Variants in EDIL3 observed in about 807,000 individuals in gnomAD.
EDIL3 encodes the protein EGF like and discoidin domains 3.
Under a neutral mutation model 67.4 loss-of-function variants are expected in EDIL3, and 37 were observed. The observed-to-expected ratio is 0.55, with a 90% confidence interval of 0.42 to 0.72. The LOEUF (loss-of-function observed/expected upper bound fraction) is 0.72. Among genes scored for constraint, EDIL3 ranks in the 30% least tolerant of loss-of-function variants. The pLI is 0.00. For missense variants in EDIL3, 527 were observed against 586.3 expected, an observed-to-expected ratio of 0.90 and a Z score of 1.04; for synonymous variants, 195 against 196.3, an observed-to-expected ratio of 0.99 and a Z score of 0.05.
intron 6 of EDIL3, among the ~76,000 whole-genome samples, chr5:84,075,561 C>T (rs540957266): frequency 7.7e-4 from 117 of 152,056 alleles, no homozygotes; most frequent in Middle Eastern, 6.8e-3. Context: ...CTGCAAACTC[C>T]GCCTCCCAGG....
intron 3 of EDIL3, among the ~76,000 whole-genome samples, chr5:84,186,256 A>G (rs1361158708): frequency 6.6e-6 from 1 of 152,110 alleles, no homozygotes; most frequent in Non-Finnish European, 1.5e-5. Flanking sequence ...ATAATCACCT[A>G]GAGCATATAG....
rs34221437 is a variant in EDIL3 at position 84,242,824 on chromosome 5, A to ATATTAT, written c.196+11254_196+11259dup. ...AAAAAAAAAAAAAACTTCCAAAGAA[A>ATATTAT]TATTATTATTATTATTTCTTCGAGT... On this transcript the variant is annotated intron_variant, in intron 2 of 10. Coordinates refer to ENST00000296591, the MANE Select transcript of EDIL3 (RefSeq NM_005711.5). Among the ~76,000 whole-genome samples the ATATTAT allele has an allele frequency of 4.2e-5, 6 of 142,838 alleles. 1 individual carries two copies. The highest frequency in any genetic ancestry group is 4.4e-4 in the South Asian group (2 of 4,514). The allele number at this position is 142,838 out of a possible 152,430, so 93.7% of individuals were successfully genotyped here. A position where few individuals can be genotyped will look rare whatever the true frequency, so the allele number is the denominator to read the frequency against.
chr5:83,990,360 G>A (rs1286934863), intron 9 of EDIL3, among the ~76,000 whole-genome samples: 8 of 151,676 alleles, frequency 5.3e-5, no homozygotes, highest in Admixed American at 2.0e-4. Context: ...GGTGGCATGC[G>A]CCTGTAATCC....
chr5:84,255,077 C>T (rs551813641), intron 1 of EDIL3, among the ~76,000 whole-genome samples: 12 of 152,234 alleles, frequency 7.9e-5, no homozygotes, highest in African/African-American at 2.4e-4. Context: ...GCTCTTACTG[C>T]CTGCATATGA....
chr5:84,140,060 G>A (rs1171252083), intron 4 of EDIL3, among the ~76,000 whole-genome samples: 1 of 152,098 alleles, frequency 6.6e-6, no homozygotes, highest in Non-Finnish European at 1.5e-5. Flanking sequence ...ATGAACATTT[G>A]GAGCAGGATG....
chr5:84,340,441 A>G (rs1747080428), intron 1 of EDIL3, among the ~76,000 whole-genome samples: 1 of 149,590 alleles, frequency 6.7e-6, no homozygotes, highest in African/African-American at 2.5e-5. Context: ...ATTAGAACAG[A>G]GCCTGGGAAT....
In EDIL3 at chr5:84,273,213, G is replaced by A. The variant is rs1246775185; in HGVS notation, c.68-19001C>T. ...GGAAATTTTTCCCTCACTACATTTCGGCCCTCAATGTACAATGCCAGATTC... is the reference window on the plus strand; with the variant it reads ...GGAAATTTTTCCCTCACTACATTTCAGCCCTCAATGTACAATGCCAGATTC... On this transcript the variant is annotated intron_variant, in intron 1 of 10. Coordinates refer to ENST00000296591, the MANE Select transcript of EDIL3 (RefSeq NM_005711.5). Among the ~76,000 whole-genome samples the A allele has an allele frequency of 3.9e-5, 6 of 151,990 alleles. No homozygotes were observed. The East Asian group carries it at 5.8e-4, about 15-fold the overall frequency.
intron 5 of EDIL3, among the ~76,000 whole-genome samples, chr5:84,135,823 G>GT (rs1011139079): frequency 4.4e-4 from 66 of 149,112 alleles, no homozygotes; most frequent in South Asian, 3.6e-3. Context: ...AGCTTAGAAA[G>GT]TTTTTTTTTT....
At chr5:84,303,045 G>A (rs1257979769) in intron 1 of EDIL3, among the ~76,000 whole-genome samples, 2 of 152,278 alleles carry the variant, frequency 1.3e-5, no homozygotes, top group East Asian at 1.9e-4. Context: ...GTTGTATCTA[G>A]AACATATCTT....
intron 1 of EDIL3, among the ~76,000 whole-genome samples, chr5:84,266,188 A>C (rs1745341368): frequency 6.6e-6 from 1 of 152,316 alleles, no homozygotes; most frequent in East Asian, 1.9e-4. Flanking sequence ...AATACATTCA[A>C]AAACCCATTG....
chr5:84,297,926 G>T (rs960117762), intron 1 of EDIL3, among the ~76,000 whole-genome samples: 8 of 152,124 alleles, frequency 5.3e-5, no homozygotes, highest in Non-Finnish European at 8.8e-5. Flanking sequence ...TATGCCCTGG[G>T]CTTAGATTAT....
chr5:84,270,336 TG>T (rs1745443110), intron 1 of EDIL3, among the ~76,000 whole-genome samples: 2 of 152,170 alleles, frequency 1.3e-5, no homozygotes, highest in Admixed American at 1.3e-4. Flanking sequence ...ATACTAAACG[TG>T]GGATCTTCAG....
At chr5:84,213,480 T>A (rs925639086) in intron 3 of EDIL3, among the ~76,000 whole-genome samples, 7 of 152,212 alleles carry the variant, frequency 4.6e-5, no homozygotes, top group African/African-American at 1.7e-4. Flanking sequence ...ATGGCCAATC[T>A]GTACAGTGGT....
At chr5:84,252,517 A>AAAAAAAAAAAAAAAAAAAAAAAAAAAAC (rs1745045027) in intron 2 of EDIL3, among the ~76,000 whole-genome samples, 1 of 149,402 alleles carries the variant, frequency 6.7e-6, no homozygotes, top group Non-Finnish European at 1.5e-5. Context: ...AAAAAAAAAA[A>AAAAAAAAAAAAAAAAAAAAAAAAAAAAC]ATTCTGCTAA....
At chr5:84,292,544 A>G (rs1047168489) in intron 1 of EDIL3, among the ~76,000 whole-genome samples, 1 of 152,218 alleles carries the variant, frequency 6.6e-6, no homozygotes, top group Non-Finnish European at 1.5e-5. Flanking sequence ...CAAACTCTCA[A>G]TGGCAGAAGA....
chr5:84,033,275 C>G (rs191260906), intron 9 of EDIL3, among the ~76,000 whole-genome samples: 1 of 152,288 alleles, frequency 6.6e-6, no homozygotes, highest in East Asian at 1.9e-4. Flanking sequence ...AAGAAAATAA[C>G]TTTACACATG....
chr5:84,201,863 G>C (rs1223777694), intron 3 of EDIL3, among the ~76,000 whole-genome samples: 1 of 152,096 alleles, frequency 6.6e-6, no homozygotes, highest in Non-Finnish European at 1.5e-5. Flanking sequence ...TGCAAAAAGA[G>C]AGAGTGCACT....
At chr5:84,033,672 C>T (rs974434112) in intron 9 of EDIL3, among the ~76,000 whole-genome samples, 7 of 142,416 alleles carry the variant, frequency 4.9e-5, no homozygotes, top group African/African-American at 1.8e-4. Flanking sequence ...CCATTGTACT[C>T]CAACCTGGGC....
At chr5:84,194,866 C>T (rs935826794) in intron 3 of EDIL3, among the ~76,000 whole-genome samples, 3 of 151,882 alleles carry the variant, frequency 2.0e-5, no homozygotes, top group Admixed American at 2.0e-4. Flanking sequence ...AGTAAGGTTT[C>T]CTTCACGAAA....
Sources: gnomAD v4.1 joint callset for allele counts (sites outside exome capture counted in the v4.1 genomes callset) on GRCh38, gnomAD v4.1.1 for gene constraint, MANE v1.5 for transcripts, NCBI Gene and HGNC (gene_info 2026-07-23, HGNC 2026-07-21) for gene names.